ADA: variants seen among roughly 807,000 people sequenced by gnomAD.
The protein encoded by ADA is adenosine aminohydrolase.
Under a neutral mutation model 49.0 loss-of-function variants are expected in ADA, and 45 were observed. The observed-to-expected ratio is 0.92, with a 90% CI of 0.72 to 1.18. The LOEUF (loss-of-function observed/expected upper bound fraction) is 1.18. Ranked by LOEUF, ADA falls within the 50% of genes most tolerant of loss-of-function variation. ADA has a pLI of 0.00. For missense variants in ADA, 445 were observed against 472.5 expected, an observed-to-expected ratio of 0.94 and a Z score of 0.54; for synonymous variants, 173 against 184.2, an observed-to-expected ratio of 0.94 and a Z score of 0.49.
chr20:44,633,131 C>T (rs986663048), intron 2 of ADA, among the ~76,000 whole-genome samples: 14 of 152,210 alleles, frequency 9.2e-5, no homozygotes, highest in Non-Finnish European at 1.3e-4. Flanking sequence ...GGAGGATGAG[C>T]TCAGGGGTTG....
In ADA at chr20:44,630,483, C is replaced by T. The variant is rs117900332; in HGVS notation, c.96-1314G>A. On this transcript the variant is annotated intron_variant, in intron 2 of 11. Transcript: ENST00000372874. ...AAAACAAAAAAGACATGAATATCCT[C>T]AAAGAGATGAGAAGATCCTTGAAAG... is the stretch of plus-strand genomic sequence containing the variant. 1.9e-3 allele frequency among the ~76,000 whole-genome samples: 288 copies of T among 152,198 alleles called. 12 individuals carry two copies. The East Asian group carries it at 0.038, about 20-fold the overall frequency.
rs2065350260 is a variant in ADA, at chr20:44,623,221, A to G, written c.607-143T>C. The G allele has an allele frequency of 4.1e-6, 5 of 1,226,030 alleles. No homozygotes were observed. In the East Asian group the frequency reaches 1.3e-4, roughly 31 times the overall value. 75.9% of individuals were successfully genotyped at this position (1,226,030 alleles called of 1,614,324 possible). ...GGGAAACCTGGTCTTTTACCCTCCA[A>G]GTCCTTATCTAAGTGGTAGCTGTCA... is the stretch of plus-strand genomic sequence containing the variant. On this transcript the variant is annotated intron_variant, in intron 6 of 11. Transcript: ENST00000372874.
At chr20:44,643,934 G>A (rs1353368817) in intron 1 of ADA, among the ~76,000 whole-genome samples, 1 of 151,966 alleles carries the variant, frequency 6.6e-6, no homozygotes, top group Non-Finnish European at 1.5e-5. Flanking sequence ...GAGAGGTCCA[G>A]GGCGGTGGGT....
At chr20:44,624,046 C>T in intron 6 of ADA, 156 bp downstream of exon 6, 7 of 1,101,016 alleles carry the variant, frequency 6.4e-6, no homozygotes, top group Non-Finnish European at 9.2e-6. Context: ...ACGCCTGGCC[C>T]AGGGGGATTC....
At chr20:44,622,771 C>CTATACAGGAAGTTGGGACAGCCGGGG in intron 8 of ADA, 58 bp downstream of exon 8, 6 of 1,614,104 alleles carry the variant, frequency 3.7e-6, no homozygotes, top group Non-Finnish European at 5.1e-6. Flanking sequence ...TTCTGCCTCT[C>CTATACAGGAAGTTGGGACAGCCGGGG]TATACAGGAA....
chr20:44,622,798 A>G, intron 8 of ADA, 31 bp downstream of exon 8: 1 of 1,614,062 alleles, frequency 6.2e-7, no homozygotes, highest in Non-Finnish European at 8.5e-7. Context: ...ACAGCCGGGG[A>G]TGGTTCCTCC....
In ADA at chr20:44,622,574, G is replaced by C; in HGVS notation, c.845+14C>G. 6.2e-7 allele frequency: 1 copy of C among 1,614,194 alleles called. No homozygotes were observed. Among genetic ancestry groups the C allele is most frequent in the Non-Finnish European group, 8.5e-7 (1 of 1,180,026 alleles). On this transcript the variant is annotated intron_variant, in intron 9 of 11. Coordinates refer to ENST00000372874, the MANE Select transcript of ADA (RefSeq NM_000022.4). ...TGGAACAAAATTGAACAGGCCCAGG[G>C]GAACAGAGCTCACCGAATGACTGCA...
chr20:44,638,525 C>T lies in ADA; in HGVS notation c.34-2237G>A, dbSNP rs531610330. On this transcript the variant is annotated intron_variant, in intron 1 of 11. Transcript: ENST00000372874. ...CTGGGAGGCAGAGGCTGCAGTGAGCCGAGATTACGCCACTGCACTCCAGCC... is the reference window on the plus strand; with the variant it reads ...CTGGGAGGCAGAGGCTGCAGTGAGCTGAGATTACGCCACTGCACTCCAGCC... Among the ~76,000 whole-genome samples the T allele has an allele frequency of 3.9e-5, 6 of 152,128 alleles. No individual in the cohort carries two copies. In the South Asian group the frequency reaches 6.2e-4, roughly 16 times the overall value.
chr20:44,641,746 T>G (rs1482098308), intron 1 of ADA, among the ~76,000 whole-genome samples: 2 of 151,748 alleles, frequency 1.3e-5, no homozygotes, highest in Non-Finnish European at 2.9e-5. Flanking sequence ...CTAAAGTATT[T>G]ATTCATTTAT....
intron 3 of ADA, among the ~76,000 whole-genome samples, chr20:44,627,561 ATTGT>A (rs1230858873): frequency 6.6e-6 from 1 of 151,932 alleles, no homozygotes; most frequent in Non-Finnish European, 1.5e-5. Flanking sequence ...ACTACTCAAC[ATTGT>A]GTGTCATATG....
At chr20:44,633,533 G>A (rs2065452284) in intron 2 of ADA, among the ~76,000 whole-genome samples, 1 of 152,174 alleles carries the variant, frequency 6.6e-6, no homozygotes, top group Admixed American at 6.5e-5. Flanking sequence ...GGGAAGCTGG[G>A]GAATGAGCTG....
At chr20:44,627,632 AC>A (rs2065395104) in intron 3 of ADA, among the ~76,000 whole-genome samples, 1 of 152,058 alleles carries the variant, frequency 6.6e-6, no homozygotes. Flanking sequence ...TGTGGCAAGG[AC>A]CCCTCTGTCT....
intron 1 of ADA, among the ~76,000 whole-genome samples, chr20:44,642,280 G>GT (rs1443177004): frequency 6.6e-6 from 1 of 152,182 alleles, no homozygotes; most frequent in Non-Finnish European, 1.5e-5. Context: ...GGGGCTGTTT[G>GT]TTACCACAGC....
chr20:44,632,464 G>C (rs2145331187), intron 2 of ADA, among the ~76,000 whole-genome samples: 1 of 152,258 alleles, frequency 6.6e-6, no homozygotes, highest in South Asian at 2.1e-4. Flanking sequence ...CCAGAGCTGA[G>C]GCCAGAGAGC....
At chr20:44,645,971 C>T (rs941212470) in intron 1 of ADA, among the ~76,000 whole-genome samples, 1 of 152,146 alleles carries the variant, frequency 6.6e-6, no homozygotes, top group African/African-American at 2.4e-5. Context: ...GGCAAGCCTA[C>T]CCCCAACACC....
intron 1 of ADA, among the ~76,000 whole-genome samples, chr20:44,651,309 C>T (rs2065643612): frequency 6.6e-6 from 1 of 152,198 alleles, no homozygotes; most frequent in Admixed American, 6.5e-5. Context: ...GCTAGGATGC[C>T]CACTTGACAG....
intron 10 of ADA, 165 bp downstream of exon 10, chr20:44,620,853 C>T: frequency 1.0e-6 from 1 of 961,508 alleles, no homozygotes; most frequent in Non-Finnish European, 1.6e-6. Flanking sequence ...GTCAGGACGT[C>T]AACACAAAGA....
chr20:44,629,413 T>C lies in ADA; in HGVS notation c.96-244A>G, dbSNP rs189134045. 4.4e-3 allele frequency among the ~76,000 whole-genome samples: 646 copies of C among 147,658 alleles called. 8 individuals are homozygous for C. Among genetic ancestry groups the C allele is most frequent in the African/African-American group, 0.016 (614 of 38,342 alleles). ...GCAAATCTCAAGGGGGATAAACAGG[T>C]TGAAGTGTGTGTGTGTGTGTGTGTG... On this transcript the variant is annotated intron_variant, in intron 2 of 11. Coordinates refer to ENST00000372874, the MANE Select transcript of ADA (RefSeq NM_000022.4).
chr20:44,649,972 T>C (rs779215301), intron 1 of ADA, among the ~76,000 whole-genome samples: 1 of 152,064 alleles, frequency 6.6e-6, no homozygotes, highest in Non-Finnish European at 1.5e-5. Context: ...CCTGGCCTCA[T>C]GATCCACCCA....
Sources: allele counts gnomAD v4.1 joint callset (sites outside exome capture counted in the v4.1 genomes callset), GRCh38; gene constraint gnomAD v4.1.1; transcripts MANE v1.5; gene names NCBI Gene and HGNC (gene_info 2026-07-23, HGNC 2026-07-21).